The following RBFOX1 variants were observed in gnomAD, a reference collection of about 807,000 sequenced individuals.
The protein encoded by RBFOX1 is RNA binding protein fox-1 homolog 1.
Under a neutral mutation model 57.7 loss-of-function variants are expected in RBFOX1, and 8 were observed. That is an observed-to-expected ratio of 0.14 (90% CI 0.08 to 0.25). RBFOX1 has a LOEUF of 0.25. Among genes scored for constraint, RBFOX1 ranks in the 10% least tolerant of loss-of-function variants. The probability of loss-of-function intolerance (pLI) is 1.00; values close to 1 mark genes in which losing one functional copy is unlikely to be tolerated. For synonymous variants in RBFOX1, 326 were observed against 222.4 expected (o/e 1.47, Z -4.15); for missense variants, 611 against 548.5 (o/e 1.11, Z -1.14).
rs145840716 is a variant in RBFOX1, at chr16:6,199,215, A to G, written c.-126-117780A>G. ...GTAAATACTGGTTAAAACAAGCTAA[A>G]TGCACATTCTTAATAATTTAAAGTC... On this transcript the variant is annotated intron_variant, in intron 1 of 15. Coordinates refer to ENST00000550418, the MANE Select transcript of RBFOX1 (RefSeq NM_018723.4). 2.9e-4 allele frequency among the ~76,000 whole-genome samples: 44 copies of G among 152,304 alleles called. No homozygotes were observed. In the East Asian group the frequency reaches 7.9e-3, roughly 27 times the overall value.
At chr16:7,330,794 G>A (rs1028497803) in intron 4 of RBFOX1, among the ~76,000 whole-genome samples, 10 of 152,042 alleles carry the variant, frequency 6.6e-5, no homozygotes, top group Non-Finnish European at 1.5e-5. Context: ...TCTGACACAG[G>A]CCTTACCTAA....
chr16:5,828,060 T>A (rs2056136350), intron 3 of RBFOX1, among the ~76,000 whole-genome samples: 1 of 151,410 alleles, frequency 6.6e-6, no homozygotes, highest in Non-Finnish European at 1.5e-5. Flanking sequence ...TACCCACCCA[T>A]CCATCCATCC....
chr16:6,680,619 A>T (rs762507332), intron 3 of RBFOX1, among the ~76,000 whole-genome samples: 6 of 152,096 alleles, frequency 3.9e-5, no homozygotes, highest in Non-Finnish European at 7.4e-5. Flanking sequence ...TTTATTCTAA[A>T]ATAACAATAA....
intron 1 of RBFOX1, among the ~76,000 whole-genome samples, chr16:6,197,718 T>G (rs1367243985): frequency 6.6e-6 from 1 of 151,948 alleles, no homozygotes; most frequent in African/African-American, 2.4e-5. Flanking sequence ...TGGGGATTCG[T>G]TGTACAGATT....
At chr16:6,594,365 A>G (rs2097756299) in intron 2 of RBFOX1, among the ~76,000 whole-genome samples, 1 of 152,192 alleles carries the variant, frequency 6.6e-6, no homozygotes, top group South Asian at 2.1e-4. Context: ...TATGAGAAAA[A>G]CAAGAATGCA....
intron 3 of RBFOX1, among the ~76,000 whole-genome samples, chr16:7,044,007 C>G (rs7189023): frequency 0.13 from 19,213 of 152,140 alleles, 2,105 homozygotes; most frequent in East Asian, 0.29. Flanking sequence ...CTGCAAGCAC[C>G]TCTTACACTT....
chr16:6,985,448 G>T (rs1380625985), intron 3 of RBFOX1, among the ~76,000 whole-genome samples: 3 of 152,190 alleles, frequency 2.0e-5, no homozygotes, highest in East Asian at 1.9e-4. Flanking sequence ...TGTGTTCTCA[G>T]TCTAGCCTGG....
At chr16:5,957,028 G>C (rs1474237694) in intron 4 of RBFOX1, among the ~76,000 whole-genome samples, 1 of 151,892 alleles carries the variant, frequency 6.6e-6, no homozygotes, top group Non-Finnish European at 1.5e-5. Context: ...GAAATCAACA[G>C]AGTGGAAATA....
At chr16:7,368,082 C>A (rs989667037) in intron 4 of RBFOX1, among the ~76,000 whole-genome samples, 4 of 151,924 alleles carry the variant, frequency 2.6e-5, no homozygotes, top group Non-Finnish European at 4.4e-5. Context: ...GCCTGGCCAA[C>A]GTAATGAAAC....
At chr16:5,363,560 G>T (rs986479087) in intron 1 of RBFOX1, among the ~76,000 whole-genome samples, 3 of 152,148 alleles carry the variant, frequency 2.0e-5, no homozygotes, top group African/African-American at 7.2e-5. Flanking sequence ...TTCTCCCCCT[G>T]ATTGGGGAAG....
At chr16:6,599,611 G>C (rs2097824227) in intron 2 of RBFOX1, among the ~76,000 whole-genome samples, 1 of 152,088 alleles carries the variant, frequency 6.6e-6, no homozygotes, top group Admixed American at 6.6e-5. Flanking sequence ...GTGTAAATCA[G>C]GCTAATCTTT....
chr16:5,809,264 C>A (rs374938885), intron 3 of RBFOX1, among the ~76,000 whole-genome samples: 1 of 152,120 alleles, frequency 6.6e-6, no homozygotes, highest in Non-Finnish European at 1.5e-5. Flanking sequence ...TAGGCACAGG[C>A]AAGGACTTCA....
chr16:6,980,194 A>C (rs567701326), intron 3 of RBFOX1, among the ~76,000 whole-genome samples: 1 of 152,192 alleles, frequency 6.6e-6, no homozygotes, highest in African/African-American at 2.4e-5. Context: ...TTTGCATCCA[A>C]AAGCAATTCT....
intron 4 of RBFOX1, among the ~76,000 whole-genome samples, chr16:7,492,209 T>G (rs2151561099): frequency 6.6e-6 from 1 of 152,344 alleles, no homozygotes; most frequent in East Asian, 1.9e-4. Context: ...ATTCAGTTCT[T>G]TAAGATTCGT....
intron 2 of RBFOX1, among the ~76,000 whole-genome samples, chr16:6,516,896 A>G (rs957060728): frequency 6.6e-6 from 1 of 152,194 alleles, no homozygotes; most frequent in Non-Finnish European, 1.5e-5. Flanking sequence ...AAAGAGCCCC[A>G]GTCTTGGCAC....
intron 4 of RBFOX1, among the ~76,000 whole-genome samples, chr16:7,094,769 T>TGTGTGTGG (rs1567232519): frequency 2.9e-5 from 4 of 138,890 alleles, no homozygotes; most frequent in African/African-American, 1.0e-4. Context: ...TGTGTGTGTG[T>TGTGTGTGG]GTGTGTGGGT....
intron 4 of RBFOX1, among the ~76,000 whole-genome samples, chr16:7,426,935 T>TA (rs1310091845): frequency 6.6e-6 from 1 of 152,064 alleles, no homozygotes; most frequent in African/African-American, 2.4e-5. Flanking sequence ...TATGCAGCCA[T>TA]AAAAAAGGAT....
At chr16:6,906,248 C>CCCT (rs1555608862) in intron 3 of RBFOX1, among the ~76,000 whole-genome samples, 1 of 151,806 alleles carries the variant, frequency 6.6e-6, no homozygotes, top group African/African-American at 2.4e-5. Context: ...TACCCCCCCC[C>CCCT]AAAATATACA....
At chr16:7,519,646 C>T in intron 5 of RBFOX1, 5 of 977,596 alleles carry the variant, frequency 5.1e-6, no homozygotes, top group Non-Finnish European at 6.1e-6. Context: ...ATTTGGGAAC[C>T]TTTTTCTGCA....
Sources: allele counts gnomAD v4.1 joint callset (sites outside exome capture counted in the v4.1 genomes callset), GRCh38; gene constraint gnomAD v4.1.1; transcripts MANE v1.5; gene names NCBI Gene and HGNC (gene_info 2026-07-23, HGNC 2026-07-21).